Variants in MAST2 observed in about 807,000 individuals in gnomAD.
MAST2 encodes microtubule associated serine/threonine kinase 2, also known as microtubule-associated serine/threonine-protein kinase 2.
MAST2 carries 70 observed loss-of-function variants against 147.4 expected under a neutral mutation model. That is an observed-to-expected ratio of 0.47 (90% CI 0.39 to 0.58). MAST2 has a LOEUF of 0.58. Ranked by LOEUF, MAST2 falls within the 20% of genes least tolerant of loss-of-function variation. The pLI is 0.00. For missense variants in MAST2, 2,080 were observed against 2,302.3 expected, an observed-to-expected ratio of 0.90 and a Z score of 1.98; for synonymous variants, 869 against 896.8, an observed-to-expected ratio of 0.97 and a Z score of 0.55.
At chr1:45,956,485 C>A (rs1659679467) in intron 4 of MAST2, among the ~76,000 whole-genome samples, 1 of 152,112 alleles carries the variant, frequency 6.6e-6, no homozygotes, top group Non-Finnish European at 1.5e-5. Context: ...CCAGCATTTC[C>A]CTGAATAAGT....
Position 45,803,727 on chromosome 1 carries a change from C to G in MAST2, c.-169C>G. 1 of 350,442 alleles carries G rather than the reference C, an allele frequency of 2.9e-6. No individual in the cohort carries two copies. Among genetic ancestry groups the G allele is most frequent in the Non-Finnish European group, 5.1e-6 (1 of 196,534 alleles). 21.7% of individuals were successfully genotyped at this position (350,442 alleles called of 1,614,324 possible). On this transcript the variant is annotated 5_prime_UTR_variant, in exon 1 of 29. Coordinates refer to ENST00000361297, the MANE Select transcript of MAST2 (RefSeq NM_015112.3). ...GAGGAGCGCAGAGGAGGTCGCGGCG[C>G]CGGAGGCCCCAGAAGGCTCGAAGGC...
At chr1:45,883,090 C>T (rs987529329) in intron 4 of MAST2, among the ~76,000 whole-genome samples, 3 of 152,040 alleles carry the variant, frequency 2.0e-5, no homozygotes, top group Non-Finnish European at 4.4e-5. Flanking sequence ...CTGTATATAC[C>T]TAAAACATAC....
At chr1:45,866,169 G>A (rs1557846596) in intron 3 of MAST2, among the ~76,000 whole-genome samples, 3 of 152,124 alleles carry the variant, frequency 2.0e-5, no homozygotes, top group Non-Finnish European at 4.4e-5. Context: ...GTTATTATAT[G>A]TACTTCTTAT....
intron 1 of MAST2, among the ~76,000 whole-genome samples, chr1:45,817,165 C>A (rs1329675600): frequency 6.6e-6 from 1 of 152,020 alleles, no homozygotes; most frequent in Non-Finnish European, 1.5e-5. Flanking sequence ...GAAAGTTTAT[C>A]GAAATGAATA....
chr1:46,025,867 G>C lies in MAST2; in HGVS notation c.1919+52G>C, dbSNP rs1159986494. ...CCAGGGTCTCCCTCTTGGGTCTCCA[G>C]ATAAAATGTTGGCAAGCACAGTAGC... On this transcript the variant is annotated intron_variant, in intron 16 of 28. Coordinates refer to ENST00000361297, the MANE Select transcript of MAST2 (RefSeq NM_015112.3). 4.3e-6 allele frequency: 7 copies of C among 1,610,894 alleles called. No individual in the cohort carries two copies. In the African/African-American group the frequency reaches 8.0e-5, roughly 18 times the overall value.
In MAST2 at chr1:45,830,349, G is replaced by GT. The variant is rs1644918685; in HGVS notation, c.468+773dup. Among the ~76,000 whole-genome samples, 4 of 150,496 alleles carry GT rather than the reference G, an allele frequency of 2.7e-5. No individual in the cohort carries two copies. The South Asian group carries it at 8.4e-4, about 32-fold the overall frequency. ...GCCACCATACCCCGCTAGTTTTTGT[G>GT]TTTTTAGTAGAGATGGGGTTTCACC... On this transcript the variant is annotated intron_variant, in intron 3 of 28. Coordinates refer to ENST00000361297, the MANE Select transcript of MAST2 (RefSeq NM_015112.3).
At chr1:45,834,129 T>G (rs1477092171) in intron 3 of MAST2, among the ~76,000 whole-genome samples, 1 of 152,160 alleles carries the variant, frequency 6.6e-6, no homozygotes. Context: ...CTATAGTACA[T>G]GGACCCAGCC....
chr1:45,944,278 T>A (rs1570857303), intron 4 of MAST2, among the ~76,000 whole-genome samples: 1 of 152,340 alleles, frequency 6.6e-6, no homozygotes, highest in South Asian at 2.1e-4. Flanking sequence ...CAAAGAAATA[T>A]GTGGACATAA....
chr1:45,908,349 CTT>C (rs1428600046), intron 4 of MAST2, among the ~76,000 whole-genome samples: 1 of 152,108 alleles, frequency 6.6e-6, no homozygotes, highest in Non-Finnish European at 1.5e-5. Flanking sequence ...CCTCCCTGGA[CTT>C]TTTAAAGTTT....
chr1:45,948,128 C>G (rs1373089434), intron 4 of MAST2, among the ~76,000 whole-genome samples: 3 of 152,152 alleles, frequency 2.0e-5, no homozygotes, highest in South Asian at 2.1e-4. Flanking sequence ...GGGAGAGAGC[C>G]AAATCAGGAA....
chr1:45,936,658 C>G (rs1356058839), intron 4 of MAST2, among the ~76,000 whole-genome samples: 1 of 152,092 alleles, frequency 6.6e-6, no homozygotes, highest in Non-Finnish European at 1.5e-5. Context: ...CTCCAATACC[C>G]CATGAAAGAC....
chr1:45,915,363 T>A (rs570966195), intron 4 of MAST2, among the ~76,000 whole-genome samples: 1 of 152,320 alleles, frequency 6.6e-6, no homozygotes, highest in Admixed American at 6.5e-5. Flanking sequence ...CTTTTTAGAC[T>A]CTAGACCCAT....
At chr1:45,842,961 A>G (rs1222880854) in intron 3 of MAST2, among the ~76,000 whole-genome samples, 1 of 152,152 alleles carries the variant, frequency 6.6e-6, no homozygotes, top group East Asian at 1.9e-4. Flanking sequence ...CATTTAAAAA[A>G]TTATTGTTTA....
At chr1:45,994,274 C>CTTTTTTTTT (rs869216588) in intron 5 of MAST2, among the ~76,000 whole-genome samples, 4,450 of 62,048 alleles carry the variant, frequency 0.072, 686 homozygotes, top group East Asian at 0.11. Flanking sequence ...CCCTAACCCT[C>CTTTTTTTTT]TTTTTTTTTT....
chr1:46,001,203 G>T (rs1292889270), intron 6 of MAST2, among the ~76,000 whole-genome samples: 1 of 152,200 alleles, frequency 6.6e-6, no homozygotes, highest in African/African-American at 2.4e-5. Flanking sequence ...AGGAATTGCT[G>T]AATAGTTCCA....
chr1:45,827,416 C>T (rs1007075692), intron 2 of MAST2, among the ~76,000 whole-genome samples: 39 of 152,072 alleles, frequency 2.6e-4, no homozygotes, highest in African/African-American at 9.4e-4. Context: ...TGTACAGAGT[C>T]AAATAGGTTT....
chr1:45,930,468 T>C (rs1390579007), intron 4 of MAST2, among the ~76,000 whole-genome samples: 3 of 152,026 alleles, frequency 2.0e-5, no homozygotes, highest in Admixed American at 6.6e-5. Flanking sequence ...TCCTGGGAAA[T>C]TGAGATAGAT....
At chr1:46,007,499 A>G (rs556271494) in intron 8 of MAST2, among the ~76,000 whole-genome samples, 29 of 152,300 alleles carry the variant, frequency 1.9e-4, no homozygotes, top group Non-Finnish European at 3.4e-4. Flanking sequence ...AATCCATGCT[A>G]TATTACTCTT....
intron 4 of MAST2, among the ~76,000 whole-genome samples, chr1:45,937,964 C>T (rs1304288452): frequency 6.6e-6 from 1 of 152,124 alleles, no homozygotes; most frequent in Middle Eastern, 3.2e-3. Flanking sequence ...CTTGTACCCA[C>T]CTGTAGTTAA....
Sources: allele counts gnomAD v4.1 joint callset (sites outside exome capture counted in the v4.1 genomes callset), GRCh38; gene constraint gnomAD v4.1.1; transcripts MANE v1.5; gene names NCBI Gene and HGNC (gene_info 2026-07-23, HGNC 2026-07-21).